RTL4: variants seen among roughly 807,000 people sequenced by gnomAD.
RTL4 encodes the protein retrotransposon Gag like 4, also known as retrotransposon Gag-like protein 4.
RTL4 carries 4 observed loss-of-function variants against 5.3 expected under a neutral mutation model. The observed-to-expected ratio is 0.75, with a 90% CI of 0.37 to 1.72. The LOEUF (loss-of-function observed/expected upper bound fraction) is 1.72. Among genes scored for constraint, RTL4 ranks in the 40% most tolerant of loss-of-function variants. The probability of loss-of-function intolerance (pLI) is 0.04; values close to 1 mark genes in which losing one functional copy is unlikely to be tolerated. For synonymous variants in RTL4, 98 were observed against 87.3 expected (o/e 1.12, Z -0.68); for missense variants, 260 against 227.1 (o/e 1.14, Z -0.93).
chrX:112,362,405 G>A, the RTL4 span, among the ~76,000 whole-genome samples: 3 of 111,638 alleles, frequency 2.7e-5, no homozygotes, highest in African/African-American at 9.7e-5. Flanking sequence ...GTTAGAAAAT[G>A]GGCAGAAGTA....
chrX:112,200,308 C>T, the RTL4 span, among the ~76,000 whole-genome samples: 3 of 111,607 alleles, frequency 2.7e-5, no homozygotes, highest in East Asian at 5.6e-4. Flanking sequence ...TATCAGAGTT[C>T]CCTATCTGAT....
chrX:112,423,749 G>A, the RTL4 span, among the ~76,000 whole-genome samples: 72 of 111,574 alleles, frequency 6.5e-4, 1 homozygote, highest in Non-Finnish European at 1.2e-3. Flanking sequence ...TTTAAAAGTG[G>A]TCTTGCTACA....
upstream of RTL4, among the ~76,000 whole-genome samples, chrX:112,451,596 A>G (rs1217951790): frequency 8.9e-6 from 1 of 111,883 alleles, no homozygotes; most frequent in African/African-American, 3.2e-5. Context: ...CAGGTATTAT[A>G]ATCATGTCTA....
At chrX:112,427,156 A>C in the RTL4 span, among the ~76,000 whole-genome samples, 2 of 111,511 alleles carry the variant, frequency 1.8e-5, no homozygotes, top group Non-Finnish European at 3.8e-5. Flanking sequence ...CTGAGGCCCA[A>C]TATTTCTTAT....
chrX:112,299,315 G>A, the RTL4 span, among the ~76,000 whole-genome samples: 20 of 112,236 alleles, frequency 1.8e-4, no homozygotes, highest in African/African-American at 5.8e-4. Flanking sequence ...TTTGTGTCAT[G>A]TACTGAAAAA....
At chrX:112,298,134 C>T in the RTL4 span, among the ~76,000 whole-genome samples, 1 of 111,502 alleles carries the variant, frequency 9.0e-6, no homozygotes, top group East Asian at 2.8e-4. Context: ...CAAATTATCT[C>T]ACCTATCTGG....
the RTL4 span, among the ~76,000 whole-genome samples, chrX:112,225,051 C>A: frequency 8.9e-6 from 1 of 112,140 alleles, no homozygotes; most frequent in African/African-American, 3.2e-5. Context: ...CTTTATTTTA[C>A]AGGCAAGAAA....
the RTL4 span, among the ~76,000 whole-genome samples, chrX:112,143,376 G>A: frequency 9.0e-6 from 1 of 111,073 alleles, no homozygotes; most frequent in Non-Finnish European, 1.9e-5. Context: ...AAAGCAAGCT[G>A]CAGTCACCTT....
At chrX:112,185,347 G>T in the RTL4 span, among the ~76,000 whole-genome samples, 2 of 98,796 alleles carry the variant, frequency 2.0e-5, no homozygotes, top group Non-Finnish European at 4.0e-5. Context: ...CGCAGGTTAG[G>T]CTTTTCTTCC....
chrX:112,455,670 C>A (rs2147895091), exon 1 of RTL4: 2 of 1,181,084 alleles, frequency 1.7e-6, no homozygotes, highest in East Asian at 3.0e-5. Context: ...AAGAGGAGAC[C>A]AGGAAAGTCA....
At chrX:112,083,134 C>T in the RTL4 span, among the ~76,000 whole-genome samples, 2 of 111,789 alleles carry the variant, frequency 1.8e-5, no homozygotes, top group East Asian at 5.7e-4. Context: ...AATTTTCTGT[C>T]TCGTTTGTTT....
chrX:112,287,960 C>T, the RTL4 span, among the ~76,000 whole-genome samples: 1 of 111,753 alleles, frequency 8.9e-6, no homozygotes, highest in Middle Eastern at 4.6e-3. Flanking sequence ...TCTTGTGTCT[C>T]CCCAGGATGG....
chrX:112,429,574 CAGTT>C, the RTL4 span, among the ~76,000 whole-genome samples: 10 of 110,336 alleles, frequency 9.1e-5, no homozygotes, highest in Non-Finnish European at 1.3e-4. Context: ...AAACTGTTGT[CAGTT>C]AGATCAGTTA....
the RTL4 span, among the ~76,000 whole-genome samples, chrX:112,330,711 C>G: frequency 9.0e-6 from 1 of 111,317 alleles, no homozygotes; most frequent in East Asian, 2.8e-4. Flanking sequence ...CAATCTTAAG[C>G]CAAAAGAACA....
At chrX:112,287,050 C>T in the RTL4 span, among the ~76,000 whole-genome samples, 2 of 111,790 alleles carry the variant, frequency 1.8e-5, no homozygotes, top group East Asian at 2.8e-4. Context: ...TATCTGTCTG[C>T]CTCACTAGGC....
At chrX:112,388,028 A>T in the RTL4 span, among the ~76,000 whole-genome samples, 1 of 112,170 alleles carries the variant, frequency 8.9e-6, no homozygotes, top group Non-Finnish European at 1.9e-5. Context: ...CCATTTTAAT[A>T]ATATTGATTC....
At chrX:112,219,896 G>C in the RTL4 span, among the ~76,000 whole-genome samples, 1 of 111,644 alleles carries the variant, frequency 9.0e-6, no homozygotes, top group Non-Finnish European at 1.9e-5. Flanking sequence ...TCTAATAATT[G>C]CTTAAGATAG....
At chrX:112,189,045 A>G in the RTL4 span, among the ~76,000 whole-genome samples, 1 of 111,147 alleles carries the variant, frequency 9.0e-6, no homozygotes, top group Non-Finnish European at 1.9e-5. Flanking sequence ...GTAAACTCTG[A>G]AAGAGTCAAT....
At chrX:112,262,756 G>A in the RTL4 span, among the ~76,000 whole-genome samples, 1 of 110,915 alleles carries the variant, frequency 9.0e-6, no homozygotes, top group African/African-American at 3.3e-5. Context: ...TATGTTTATG[G>A]TGGCACTATT....
Sources: allele counts gnomAD v4.1 joint callset (sites outside exome capture counted in the v4.1 genomes callset), GRCh38; gene constraint gnomAD v4.1.1; transcripts MANE v1.5; gene names NCBI Gene and HGNC (gene_info 2026-07-23, HGNC 2026-07-21).